The following CMSS1 variants were observed in gnomAD, a reference collection of about 807,000 sequenced individuals.
CMSS1 encodes the protein protein CMSS1.
CMSS1 carries 33 observed loss-of-function variants against 43.5 expected under a neutral mutation model. The observed-to-expected ratio is 0.76, with a 90% confidence interval of 0.57 to 1.01. The LOEUF (loss-of-function observed/expected upper bound fraction) is 1.01, where lower values mean the gene tolerates loss of function less well. Among genes scored for constraint, CMSS1 ranks in the 50% least tolerant of loss-of-function variants. The pLI is 0.00. For missense variants in CMSS1, 313 were observed against 326.4 expected (o/e 0.96, Z 0.32); for synonymous variants, 115 against 117.2 (o/e 0.98, Z 0.12).
intron 1 of CMSS1, among the ~76,000 whole-genome samples, chr3:100,034,362 T>C (rs925398310): frequency 1.3e-5 from 2 of 152,200 alleles, no homozygotes; most frequent in Non-Finnish European, 2.9e-5. Flanking sequence ...TTATTTACAA[T>C]GTGCAGGCTG....
intron 1 of CMSS1, among the ~76,000 whole-genome samples, chr3:99,840,551 C>T (rs372027267): frequency 1.6e-4 from 25 of 152,192 alleles, no homozygotes; most frequent in Middle Eastern, 6.8e-3. Flanking sequence ...AAGGAAACAT[C>T]TAGTAGTTTT....
intron 1 of CMSS1, among the ~76,000 whole-genome samples, chr3:99,924,066 A>G (rs1707209858): frequency 1.3e-5 from 2 of 152,188 alleles, no homozygotes; most frequent in South Asian, 4.1e-4. Flanking sequence ...TTATCCATAC[A>G]TTGTACTGAT....
chr3:99,930,104 T>G, intron 1 of CMSS1: 3 of 1,228,294 alleles, frequency 2.4e-6, no homozygotes, highest in Non-Finnish European at 3.4e-6. Flanking sequence ...TTGTGATAGT[T>G]GGCAGTGCTT....
At chr3:99,925,567 C>G (rs1321247396) in intron 1 of CMSS1, among the ~76,000 whole-genome samples, 1 of 145,990 alleles carries the variant, frequency 6.8e-6, no homozygotes, top group Non-Finnish European at 1.5e-5. Flanking sequence ...TGGGACACTT[C>G]CAGCAGTAGT....
chr3:100,014,895 C>CTTTTTTTTTTTTTTTTTTTTTTTTTTTT (rs1233573719), intron 1 of CMSS1, among the ~76,000 whole-genome samples: 4 of 25,002 alleles, frequency 1.6e-4, no homozygotes, highest in Non-Finnish European at 2.1e-4. Flanking sequence ...TTCTTTCTTT[C>CTTTTTTTTTTTTTTTTTTTTTTTTTTTT]TTTTTTTTTT....
intron 1 of CMSS1, among the ~76,000 whole-genome samples, chr3:100,037,956 T>TTTG (rs1491209575): frequency 0.58 from 52,501 of 90,676 alleles, 14,226 homozygotes; most frequent in Middle Eastern, 0.68. Context: ...TTTTTTTTTT[T>TTTG]GGGGGGGGAG....
intron 1 of CMSS1, among the ~76,000 whole-genome samples, chr3:99,943,398 C>T (rs541489898): frequency 4.6e-4 from 70 of 152,174 alleles, no homozygotes; most frequent in African/African-American, 1.6e-3. Flanking sequence ...CATATTCCAT[C>T]TACTTTGGTT....
intron 1 of CMSS1, chr3:99,929,802 G>T: frequency 3.7e-6 from 5 of 1,345,636 alleles, no homozygotes; most frequent in Non-Finnish European, 5.1e-6. Context: ...ATGCTCATCT[G>T]CAGGGCTAGT....
At chr3:99,848,459 CT>C in intron 1 of CMSS1, 1 of 1,614,176 alleles carries the variant, frequency 6.2e-7, no homozygotes, top group Non-Finnish European at 8.5e-7. Context: ...CTGGCTACAG[CT>C]TGCATGTAAG....
chr3:100,111,219 A>C (rs1389077262), intron 1 of CMSS1, among the ~76,000 whole-genome samples: 3 of 152,150 alleles, frequency 2.0e-5, no homozygotes, highest in African/African-American at 7.2e-5. Context: ...AGAGGATGGT[A>C]GGGGGAGGAG....
At chr3:99,883,428 G>C (rs1426213455) in intron 1 of CMSS1, among the ~76,000 whole-genome samples, 1 of 152,172 alleles carries the variant, frequency 6.6e-6, no homozygotes, top group African/African-American at 2.4e-5. Context: ...TGTCCAAAAG[G>C]TTGGTGCTTA....
chr3:99,969,787 AT>A (rs1461336901), intron 1 of CMSS1, among the ~76,000 whole-genome samples: 2 of 152,176 alleles, frequency 1.3e-5, no homozygotes, highest in African/African-American at 4.8e-5. Flanking sequence ...TGAGGAATTT[AT>A]AGTTTATTGG....
intron 1 of CMSS1, among the ~76,000 whole-genome samples, chr3:100,005,243 T>C (rs1709955364): frequency 6.6e-6 from 1 of 152,232 alleles, no homozygotes; most frequent in South Asian, 2.1e-4. Context: ...TAATTTTCTT[T>C]TTCTCAGATT....
intron 1 of CMSS1, among the ~76,000 whole-genome samples, chr3:100,081,826 G>A (rs914307526): frequency 1.3e-5 from 2 of 152,156 alleles, no homozygotes; most frequent in Non-Finnish European, 2.9e-5. Context: ...GCAGAGGGCT[G>A]TCCTGTGCAT....
chr3:99,882,831 A>G (rs1705772705), intron 1 of CMSS1, among the ~76,000 whole-genome samples: 1 of 152,200 alleles, frequency 6.6e-6, no homozygotes, highest in Admixed American at 6.5e-5. Flanking sequence ...TGTCTACTTT[A>G]TGGATTAGAA....
chr3:99,836,576 C>T (rs975247852), intron 1 of CMSS1, among the ~76,000 whole-genome samples: 7 of 152,130 alleles, frequency 4.6e-5, no homozygotes, highest in African/African-American at 1.7e-4. Flanking sequence ...CTTCTCCCAC[C>T]ATAGGTACTT....
In CMSS1 at chr3:99,900,817, G is replaced by A. The variant is rs73136678; in HGVS notation, c.64+82774G>A. 3.5e-3 allele frequency among the ~76,000 whole-genome samples: 538 copies of A among 152,270 alleles called. 6 individuals are homozygous for A. The highest frequency in any genetic ancestry group is 5.1e-3 in the Non-Finnish European group (344 of 68,018). Reference sequence around the variant, plus strand: ...GATTCTGACCTAATTGATGTGCCCCGGTTATCAGGTTTTTTAAAAGCTTCT... The same window carrying A: ...GATTCTGACCTAATTGATGTGCCCCAGTTATCAGGTTTTTTAAAAGCTTCT... On this transcript the variant is annotated intron_variant, in intron 1 of 9. Coordinates refer to ENST00000421999, the MANE Select transcript of CMSS1 (RefSeq NM_032359.4).
chr3:99,854,406 A>G (rs572748692), intron 1 of CMSS1, among the ~76,000 whole-genome samples: 1 of 152,304 alleles, frequency 6.6e-6, no homozygotes, highest in South Asian at 2.1e-4. Flanking sequence ...ATGATCTTCA[A>G]AGTAGCATAG....
chr3:99,910,895 T>C (rs999352992), intron 1 of CMSS1, among the ~76,000 whole-genome samples: 28 of 152,184 alleles, frequency 1.8e-4, no homozygotes, highest in South Asian at 8.3e-4. Context: ...AGTTATATTC[T>C]CTAAGTAAGG....
Sources: gnomAD v4.1 joint callset for allele counts (sites outside exome capture counted in the v4.1 genomes callset) on GRCh38, gnomAD v4.1.1 for gene constraint, MANE v1.5 for transcripts, NCBI Gene and HGNC (gene_info 2026-07-23, HGNC 2026-07-21) for gene names.